Variants in PPP6R2 observed in about 807,000 individuals in gnomAD.
The protein encoded by PPP6R2 is serine/threonine-protein phosphatase 6 regulatory subunit 2.
A neutral mutation model predicts 100.2 loss-of-function variants in PPP6R2; 62 were observed. That is an observed-to-expected ratio of 0.62 (90% confidence interval 0.50 to 0.76). PPP6R2 has a LOEUF of 0.76. Among genes scored for constraint, PPP6R2 ranks in the 30% least tolerant of loss-of-function variants. The pLI is 0.00. For missense variants in PPP6R2, 1,142 were observed against 1,276.3 expected (o/e 0.89, Z 1.60); for synonymous variants, 525 against 514.7 (o/e 1.02, Z -0.27).
intron 3 of PPP6R2, among the ~76,000 whole-genome samples, chr22:50,405,206 G>T (rs565789979): frequency 6.6e-6 from 1 of 152,290 alleles, no homozygotes; most frequent in Admixed American, 6.5e-5. Context: ...AATGGCCACA[G>T]ATGTGGCCTC....
intron 10 of PPP6R2, among the ~76,000 whole-genome samples, chr22:50,426,739 C>T (rs2062186065): frequency 6.7e-6 from 1 of 148,288 alleles, no homozygotes; most frequent in African/African-American, 2.5e-5. Flanking sequence ...GAGGCTGAGG[C>T]AGGAGAATCA....
At chr22:50,373,023 A>C (rs1056171269) in intron 2 of PPP6R2, among the ~76,000 whole-genome samples, 10 of 152,004 alleles carry the variant, frequency 6.6e-5, no homozygotes, top group Admixed American at 2.6e-4. Context: ...ACAGTTTTGC[A>C]CATATTTAAT....
chr22:50,369,652 T>C (rs1275185353), intron 1 of PPP6R2, among the ~76,000 whole-genome samples: 1 of 152,098 alleles, frequency 6.6e-6, no homozygotes, highest in Non-Finnish European at 1.5e-5. Context: ...TATCTGGGAT[T>C]AGAGGCGTAC....
chr22:50,360,448 G>C (rs1052795313), intron 1 of PPP6R2, among the ~76,000 whole-genome samples: 1 of 149,604 alleles, frequency 6.7e-6, no homozygotes, highest in African/African-American at 2.5e-5. Flanking sequence ...CTGCAGTCTT[G>C]AACTCTCAGG....
At chr22:50,356,900 C>T (rs894254318) in intron 1 of PPP6R2, among the ~76,000 whole-genome samples, 5 of 151,632 alleles carry the variant, frequency 3.3e-5, no homozygotes, top group African/African-American at 7.3e-5. Context: ...TGCCACTGCC[C>T]TCCAGCTTGG....
rs140421548 is a variant in PPP6R2, at chr22:50,420,883, G to A, written c.846-1371G>A. Among the ~76,000 whole-genome samples the A allele has an allele frequency of 9.1e-4, 138 of 152,320 alleles. No individual in the cohort carries two copies. In the East Asian group the frequency reaches 0.023, roughly 26 times the overall value. On this transcript the variant is annotated intron_variant, in intron 8 of 23. Coordinates refer to ENST00000612753, the MANE Select transcript of PPP6R2 (RefSeq NM_001242898.2). ...GAACCTGATGTCTCAGGACGTTTCC[G>A]TCGTCTCCGTTCCATCACAGGCTGG...
chr22:50,442,566 T>TTGTC (rs1349416231), intron 22 of PPP6R2, among the ~76,000 whole-genome samples: 3 of 148,626 alleles, frequency 2.0e-5, no homozygotes, highest in Non-Finnish European at 4.5e-5. Flanking sequence ...GTTTGTTTGT[T>TTGTC]TGAGACAGAG....
chr22:50,390,914 G>A (rs1222101713), intron 2 of PPP6R2, among the ~76,000 whole-genome samples: 3 of 149,998 alleles, frequency 2.0e-5, no homozygotes, highest in Non-Finnish European at 4.4e-5. Flanking sequence ...CAGGAGAATC[G>A]CTTGACCCCA....
At chr22:50,438,331 G>A in intron 18 of PPP6R2, 33 bp downstream of exon 18, 1 of 1,595,536 alleles carries the variant, frequency 6.3e-7, no homozygotes, top group South Asian at 1.1e-5. Context: ...CAAAGCCTCT[G>A]CCGAGGAGGT....
At chr22:50,427,545 G>A (rs571014678) in intron 10 of PPP6R2, among the ~76,000 whole-genome samples, 1 of 152,156 alleles carries the variant, frequency 6.6e-6, no homozygotes, top group South Asian at 2.1e-4. Context: ...GTGTTCCTAT[G>A]TATTTATTTA....
At chr22:50,347,123 G>A (rs576969517) in intron 1 of PPP6R2, among the ~76,000 whole-genome samples, 55 of 151,572 alleles carry the variant, frequency 3.6e-4, no homozygotes, top group Non-Finnish European at 6.9e-4. Flanking sequence ...CTTTGCTATC[G>A]GCCTCTGTGT....
intron 3 of PPP6R2, among the ~76,000 whole-genome samples, chr22:50,395,258 G>A (rs2056535935): frequency 1.3e-5 from 2 of 152,164 alleles, no homozygotes; most frequent in Non-Finnish European, 2.9e-5. Flanking sequence ...CGCCCATTCA[G>A]CCCTGGCCAG....
intron 10 of PPP6R2, among the ~76,000 whole-genome samples, chr22:50,429,917 A>G (rs1204009565): frequency 6.6e-6 from 1 of 152,208 alleles, no homozygotes; most frequent in Non-Finnish European, 1.5e-5. Context: ...GAGAACATGA[A>G]GCAAATGAGC....
At chr22:50,383,579 C>T (rs1232262007) in intron 2 of PPP6R2, among the ~76,000 whole-genome samples, 1 of 152,156 alleles carries the variant, frequency 6.6e-6, no homozygotes, top group African/African-American at 2.4e-5. Flanking sequence ...TCTTTGCTTT[C>T]AGTGGGTTCC....
intron 1 of PPP6R2, among the ~76,000 whole-genome samples, chr22:50,363,618 C>T (rs1569294840): frequency 6.6e-6 from 1 of 152,192 alleles, no homozygotes; most frequent in Non-Finnish European, 1.5e-5. Context: ...AATGGAGAAG[C>T]CAGCTCCGCT....
Position 50,416,177 on chromosome 22 carries a change from A to G in PPP6R2, c.618+20A>G, listed in dbSNP as rs1374140318. On this transcript the variant is annotated intron_variant, in intron 6 of 23. Coordinates refer to ENST00000612753, the MANE Select transcript of PPP6R2 (RefSeq NM_001242898.2). ...GAAGATGTGAGTGTGCTGCTTACCG[A>G]GCTTCGTGCATCAGTCCAGGCCTGT... The G allele has an allele frequency of 6.2e-7, 1 of 1,606,848 alleles. No individual in the cohort carries two copies. The highest frequency in any genetic ancestry group is 2.2e-5 in the East Asian group (1 of 44,854).
chr22:50,403,776 C>T, intron 3 of PPP6R2, among the ~76,000 whole-genome samples: 1 of 152,230 alleles, frequency 6.6e-6, no homozygotes, highest in Non-Finnish European at 1.5e-5. Flanking sequence ...TTCCTCAGAG[C>T]TCTAAAAGTG....
At chr22:50,372,471 T>C (rs8141303) in intron 2 of PPP6R2, among the ~76,000 whole-genome samples, 45,584 of 151,546 alleles carry the variant, frequency 0.3, 7,153 homozygotes, top group South Asian at 0.45. Context: ...ATCGCTTGAA[T>C]CCAGGAGATG....
intron 19 of PPP6R2, among the ~76,000 whole-genome samples, chr22:50,439,480 C>T (rs1394116535): frequency 6.6e-6 from 1 of 152,182 alleles, no homozygotes; most frequent in Non-Finnish European, 1.5e-5. Flanking sequence ...GACTGAGCCC[C>T]AGGTCACACG....
Sources: allele counts gnomAD v4.1 joint callset (sites outside exome capture counted in the v4.1 genomes callset), GRCh38; gene constraint gnomAD v4.1.1; transcripts MANE v1.5; gene names NCBI Gene and HGNC (gene_info 2026-07-23, HGNC 2026-07-21).